Variants in FZR1 observed in about 807,000 individuals in gnomAD.
FZR1 encodes the protein fizzy and cell division cycle 20 related 1, also known as fizzy-related protein homolog.
FZR1 carries 11 observed loss-of-function variants against 63.6 expected under a neutral mutation model. That is an observed-to-expected ratio of 0.17 (90% CI 0.11 to 0.29). The LOEUF (loss-of-function observed/expected upper bound fraction) is 0.29, where lower values mean the gene tolerates loss of function less well. Ranked by LOEUF, FZR1 falls within the 10% of genes least tolerant of loss-of-function variation. The pLI is 1.00. For missense variants in FZR1, 440 were observed against 687.5 expected, an observed-to-expected ratio of 0.64 and a Z score of 4.03; for synonymous variants, 328 against 297.9, an observed-to-expected ratio of 1.10 and a Z score of -1.04.
At chr19:3,532,870 C>G (rs59311245) in intron 11 of FZR1, among the ~76,000 whole-genome samples, 50 of 152,304 alleles carry the variant, frequency 3.3e-4, no homozygotes, top group African/African-American at 1.1e-3. Flanking sequence ...CTCTGGGCCC[C>G]CATCGCAGCC....
Position 3,533,545 on chromosome 19 carries a change from A to C in FZR1, c.1347+147A>C. The C allele has an allele frequency of 1.6e-6, 1 of 613,938 alleles. No homozygotes were observed. Among genetic ancestry groups the C allele is most frequent in the East Asian group, 2.8e-5 (1 of 35,198 alleles). The allele number at this position is 613,938 out of a possible 1,614,324, so 38.0% of individuals were successfully genotyped here. On this transcript the variant is annotated intron_variant, in intron 12 of 13. Coordinates refer to ENST00000441788, the MANE Select transcript of FZR1 (RefSeq NM_016263.4). This position sits in a 1 kb window ranked among gnomAD's most constrained non-coding sequence, Gnocchi z 4.9. Reference sequence around the variant, plus strand: ...ACCCAGCAGCAGGGGCCGGCAGGGCATCTGGTGCTGGTTGTGTTGCCAGCG... The same window carrying C: ...ACCCAGCAGCAGGGGCCGGCAGGGCCTCTGGTGCTGGTTGTGTTGCCAGCG...
chr19:3,525,777 C>T lies in FZR1; in HGVS notation c.70-91C>T. 3 of 1,476,962 alleles carry T rather than the reference C, an allele frequency of 2.0e-6. No homozygotes were observed. Among genetic ancestry groups the T allele is most frequent in the South Asian group, 1.2e-5 (1 of 82,634 alleles). 91.5% of individuals were successfully genotyped at this position (1,476,962 alleles called of 1,614,324 possible). On this transcript the variant is annotated intron_variant, in intron 2 of 13. Transcript: ENST00000441788. The surrounding 1 kb of genome is among the most constrained non-coding windows in gnomAD (Gnocchi z 4.2). ...GTTTTCAAGATCAAAGCCCCCTTTG[C>T]TCAGTGGCCAGAGGCTGAGAGAGGC...
rs185091972 is a variant in FZR1 at position 3,516,857 on chromosome 19, G to A, written c.-34-6099G>A. Among the ~76,000 whole-genome samples, 2 of 152,392 alleles carry A rather than the reference G, an allele frequency of 1.3e-5. No homozygotes were observed. Among genetic ancestry groups the A allele is most frequent in the Non-Finnish European group, 2.9e-5 (2 of 68,040 alleles). ...GGCTCACGGCGTCTCTGTTGCCCCG[G>A]AGGGCTTGTCAGGTGCAGCCATGTG... On this transcript the variant is annotated intron_variant, in intron 1 of 13. Coordinates refer to ENST00000441788, the MANE Select transcript of FZR1 (RefSeq NM_016263.4). This position sits in a 1 kb window ranked among gnomAD's most constrained non-coding sequence, Gnocchi z 6.0.
intron 1 of FZR1, among the ~76,000 whole-genome samples, chr19:3,518,839 G>C (rs1451441546): frequency 6.6e-6 from 1 of 152,164 alleles, no homozygotes; most frequent in African/African-American, 2.4e-5. Context: ...ATTCCAGCCT[G>C]GGCGACAGAG....
At chr19:3,508,200 CTT>C (rs71166908) in intron 1 of FZR1, among the ~76,000 whole-genome samples, 3 of 91,082 alleles carry the variant, frequency 3.3e-5, no homozygotes, top group Admixed American at 1.4e-4. Context: ...CATTGATTTT[CTT>C]TTTTTTTTTT....
At chr19:3,528,654 G>C (rs1299922701) in intron 7 of FZR1, among the ~76,000 whole-genome samples, 1 of 151,806 alleles carries the variant, frequency 6.6e-6, no homozygotes, top group African/African-American at 2.4e-5. Context: ...TGGGAGAGTG[G>C]ATGGGAGAAT....
chr19:3,530,326 G>A (rs1209492561), intron 7 of FZR1, among the ~76,000 whole-genome samples: 1 of 137,902 alleles, frequency 7.3e-6, no homozygotes, highest in African/African-American at 2.9e-5. Flanking sequence ...GGAGGAGAGT[G>A]GTTGAGGGAG....
intron 1 of FZR1, among the ~76,000 whole-genome samples, chr19:3,507,949 A>G (rs2082997349): frequency 6.6e-6 from 1 of 152,134 alleles, no homozygotes; most frequent in African/African-American, 2.4e-5. Flanking sequence ...TGGGTTGCAG[A>G]GGGTTTTGCT....
At chr19:3,529,047 T>C (rs1294143405) in intron 7 of FZR1, among the ~76,000 whole-genome samples, 1 of 141,306 alleles carries the variant, frequency 7.1e-6, no homozygotes, top group Non-Finnish European at 1.5e-5. Flanking sequence ...GGTGAGAGGA[T>C]GGGAGTGCGG....
chr19:3,514,203 G>C lies in FZR1; in HGVS notation c.-35+7729G>C, dbSNP rs1441332107. ...GTCGAGCCTGGAGACAAATCGTGCC[G>C]TGCCATTGGCCCCCACAAACAGTGC... On this transcript the variant is annotated intron_variant, in intron 1 of 13. Transcript: ENST00000441788. This position sits in a 1 kb window ranked among gnomAD's most constrained non-coding sequence, Gnocchi z 4.2. Among the ~76,000 whole-genome samples, 3 of 152,162 alleles carry C rather than the reference G, an allele frequency of 2.0e-5. No individual in the cohort carries two copies.
At position 3,525,525 on chromosome 19, in the gene FZR1, C is replaced by T. The variant is rs1027791777; in HGVS notation, c.70-343C>T. ...TGGCACAATCTTGGCTCACTGCAAG[C>T]TCCGCCTCCCAGGTTCATGCCATTC... On this transcript the variant is annotated intron_variant, in intron 2 of 13. Coordinates refer to ENST00000441788, the MANE Select transcript of FZR1 (RefSeq NM_016263.4). This position sits in a 1 kb window ranked among gnomAD's most constrained non-coding sequence, Gnocchi z 4.2. Among the ~76,000 whole-genome samples the T allele has an allele frequency of 2.1e-5, 3 of 142,302 alleles. No individual in the cohort carries two copies. The highest frequency in any genetic ancestry group is 3.0e-5 in the Non-Finnish European group (2 of 66,912). 93.4% of individuals were successfully genotyped at this position (142,302 alleles called of 152,430 possible). A position where few individuals can be genotyped will look rare whatever the true frequency, so the allele number is the denominator to read the frequency against.
intron 10 of FZR1, 127 bp from the exon 11 acceptor site, chr19:3,532,290 G>T: frequency 1.2e-6 from 1 of 849,324 alleles, no homozygotes; most frequent in Non-Finnish European, 1.8e-6. Context: ...GTGCCCCCAG[G>T]GGTCCTTGAG....
rs1215067278 is a variant in FZR1 at position 3,538,000 on chromosome 19, G to A, written c.*3164G>A. The stretch of plus-strand genomic sequence containing the variant: ...CAGCCATGCAAAGGCCCTGGGGCAG[G>A]ACGGCACCTGGTATGCGGGAGGAAC... On this transcript the variant is annotated 3_prime_UTR_variant, in exon 14 of 14. Transcript: ENST00000441788. 1.3e-5 allele frequency: 2 copies of A among 153,540 alleles called. No homozygotes were observed. The highest frequency in any genetic ancestry group is 4.8e-5 in the African/African-American group (2 of 41,466). 9.5% of individuals were successfully genotyped at this position (153,540 alleles called of 1,614,324 possible).
chr19:3,511,454 G>C (rs959721249), intron 1 of FZR1, among the ~76,000 whole-genome samples: 3 of 152,226 alleles, frequency 2.0e-5, no homozygotes, highest in African/African-American at 7.2e-5. Flanking sequence ...TGGAATCGCA[G>C]CACTTTGGGA....
intron 6 of FZR1, 100 bp downstream of exon 6, chr19:3,527,162 C>T: frequency 9.4e-6 from 9 of 962,480 alleles, no homozygotes; most frequent in South Asian, 1.3e-5. Context: ...CCTGCGGGTC[C>T]TGGTGGGCGA....
chr19:3,526,326 C>T lies in FZR1; in HGVS notation c.327C>T (p.Asp109=), dbSNP rs2083157266. Residue 109 remains aspartate (D), a synonymous_variant, in exon 5 of 14, where the codon GAC becomes GAT. Coordinates refer to ENST00000441788, the MANE Select transcript of FZR1 (RefSeq NM_016263.4). This position sits in a 1 kb window ranked among gnomAD's most constrained non-coding sequence, Gnocchi z 5.4. ...GTGCCGGCATCGAGAAGGTGCAGGA[C>T]CCGCAGACTGAGGACCGCAGGCTGC... ...LLGAGIEKVQ[D]PQTEDRRLQP... is the part of the protein sequence containing the mutation. The T allele has an allele frequency of 1.9e-6, 3 of 1,604,080 alleles. No individual in the cohort carries two copies. Among genetic ancestry groups the T allele is most frequent in the Admixed American group, 1.7e-5 (1 of 58,820 alleles).
rs536723869 is a variant in FZR1 at position 3,514,597 on chromosome 19, A to G, written c.-35+8123A>G. Among the ~76,000 whole-genome samples the G allele has an allele frequency of 6.6e-6, 1 of 151,500 alleles. No individual in the cohort carries two copies. The highest frequency in any genetic ancestry group is 2.1e-4 in the South Asian group (1 of 4,800). On this transcript the variant is annotated intron_variant, in intron 1 of 13. Transcript: ENST00000441788. This position sits in a 1 kb window ranked among gnomAD's most constrained non-coding sequence, Gnocchi z 4.2. The stretch of plus-strand genomic sequence containing the variant: ...GGACCCCCAAGAGACTCTGCGTCCC[A>G]TGATCCTCTGCCCTGCTGAGGTCCC...
intron 13 of FZR1, 101 bp downstream of exon 13, chr19:3,534,614 C>CCACTTCCGAGCTTCCCT (rs929235589): frequency 1.7e-4 from 161 of 938,828 alleles, no homozygotes; most frequent in Admixed American, 2.6e-4. Flanking sequence ...CTGGGTTCCC[C>CCACTTCCGAGCTTCCCT]CACTTCCGAG....
Position 3,526,426 on chromosome 19 carries a change from G to A in FZR1, c.387+40G>A. ...CCCCCCACCCGGGAGCTGGCTCCCA[G>A]TGCAGCCTCCCCGGCCCCCCACCTC... On this transcript the variant is annotated intron_variant, in intron 5 of 13. Coordinates refer to ENST00000441788, the MANE Select transcript of FZR1 (RefSeq NM_016263.4). The surrounding 1 kb of genome is among the most constrained non-coding windows in gnomAD (Gnocchi z 5.4). 6.6e-7 allele frequency: 1 copy of A among 1,519,332 alleles called. No homozygotes were observed. The highest frequency in any genetic ancestry group is 2.4e-5 in the East Asian group (1 of 40,882). The allele number at this position is 1,519,332 out of a possible 1,614,324, so 94.1% of individuals were successfully genotyped here.
Sources: gnomAD v4.1 joint callset for allele counts (sites outside exome capture counted in the v4.1 genomes callset) on GRCh38, gnomAD v4.1.1 for gene constraint, Gnocchi (gnomAD v3.1) non-coding constraint, MANE v1.5 for transcripts, NCBI Gene and HGNC (gene_info 2026-07-23, HGNC 2026-07-21) for gene names.